The following GPR89A variants were observed in gnomAD, a reference collection of about 807,000 sequenced individuals.
GPR89A encodes the protein G protein-coupled receptor 89A.
In GPR89A, 16 loss-of-function variants were observed where a neutral mutation model predicts 52.0. The ratio of observed to expected loss-of-function variants is 0.31; its 90% confidence interval spans 0.21 to 0.47. The LOEUF is 0.47. Among genes scored for constraint, GPR89A ranks in the 20% least tolerant of loss-of-function variants. The pLI is 1.00. For missense variants in GPR89A, 135 were observed against 449.4 expected, an observed-to-expected ratio of 0.30 and a Z score of 6.33; for synonymous variants, 55 against 150.9, an observed-to-expected ratio of 0.36 and a Z score of 4.66.
At chr1:145,641,887 C>T (rs1571509716) in intron 7 of GPR89A, among the ~76,000 whole-genome samples, 1 of 151,976 alleles carries the variant, frequency 6.6e-6, no homozygotes, top group Admixed American at 6.6e-5. Context: ...ATTCACGCTT[C>T]GGAAGGTTTA....
At chr1:145,659,176 TTTTA>T (rs1211163172) in intron 10 of GPR89A, among the ~76,000 whole-genome samples, 6 of 151,916 alleles carry the variant, frequency 3.9e-5, no homozygotes, top group African/African-American at 1.2e-4. Flanking sequence ...TGTTTAACCT[TTTTA>T]TTTATTTATT....
chr1:145,662,172 T>A (rs587702430), intron 10 of GPR89A, among the ~76,000 whole-genome samples: 35 of 152,274 alleles, frequency 2.3e-4, no homozygotes, highest in African/African-American at 7.9e-4. Context: ...TTCTGACTAA[T>A]TTTATCAGTT....
At chr1:145,653,990 T>A (rs1651639346) in intron 10 of GPR89A, among the ~76,000 whole-genome samples, 2 of 152,248 alleles carry the variant, frequency 1.3e-5, no homozygotes, top group African/African-American at 4.8e-5. Context: ...TTATGTGTGA[T>A]TTGATCCTGT....
chr1:145,612,252 G>C (rs1648341133), intron 1 of GPR89A: 3 of 152,172 alleles, frequency 2.0e-5, no homozygotes, highest in South Asian at 2.1e-4. Context: ...CAAAAGGTAT[G>C]ATCTCCTACT....
intron 2 of GPR89A, 63 bp from the exon 3 acceptor site, chr1:145,618,254 AAGG>A (rs1383314125): frequency 1.2e-6 from 2 of 1,612,520 alleles, no homozygotes; most frequent in African/African-American, 2.7e-5. Flanking sequence ...TTGTAACCAG[AAGG>A]AGGTTATCAG....
At chr1:145,655,123 A>G (rs1345879527) in intron 10 of GPR89A, among the ~76,000 whole-genome samples, 6 of 148,580 alleles carry the variant, frequency 4.0e-5, no homozygotes, top group African/African-American at 1.5e-4. Context: ...TGAATTTCAC[A>G]TTGTGTTTTT....
intron 12 of GPR89A, among the ~76,000 whole-genome samples, chr1:145,665,883 A>G (rs1172649026): frequency 6.6e-6 from 1 of 151,040 alleles, no homozygotes; most frequent in Non-Finnish European, 1.5e-5. Flanking sequence ...AGTCCCAACT[A>G]CTTGGGAGGC....
chr1:145,617,613 A>G (rs1284040714), intron 2 of GPR89A, among the ~76,000 whole-genome samples: 1 of 152,158 alleles, frequency 6.6e-6, no homozygotes, highest in Non-Finnish European at 1.5e-5. Context: ...AAATTATAAA[A>G]GTATTAATTT....
intron 1 of GPR89A, among the ~76,000 whole-genome samples, chr1:145,616,021 G>A (rs587685198): frequency 4.2e-4 from 63 of 151,158 alleles, no homozygotes; most frequent in African/African-American, 1.5e-3. Flanking sequence ...AGCATACTCT[G>A]TAACATGGAT....
At chr1:145,619,459 A>T (rs587637341) in intron 3 of GPR89A, among the ~76,000 whole-genome samples, 7 of 152,078 alleles carry the variant, frequency 4.6e-5, no homozygotes, top group Non-Finnish European at 1.0e-4. Flanking sequence ...AAAAATAAAA[A>T]AAATTAGCAG....
chr1:145,635,169 G>A (rs1225252886), intron 7 of GPR89A, among the ~76,000 whole-genome samples: 1 of 152,206 alleles, frequency 6.6e-6, no homozygotes, highest in Non-Finnish European at 1.5e-5. Context: ...CACTTTGGGA[G>A]GCCGAGTCGG....
At chr1:145,665,473 A>T (rs1403169474) in intron 11 of GPR89A, 89 bp from the exon 12 acceptor site, 3 of 1,570,180 alleles carry the variant, frequency 1.9e-6, no homozygotes, top group Non-Finnish European at 1.8e-6. Context: ...GCTCCCTCTC[A>T]CAGTCATGTA....
rs375335937 is a variant in GPR89A at position 145,608,187 on chromosome 1, C to G, written c.42+12C>G. 1 of 1,613,830 alleles carries G rather than the reference C, an allele frequency of 6.2e-7. No homozygotes were observed. Among genetic ancestry groups the G allele is most frequent in the East Asian group, 2.2e-5 (1 of 44,874 alleles). On this transcript the variant is annotated intron_variant, in intron 1 of 13. Transcript: ENST00000313835. ...TGATTACCTCCCAGGTGAGTCACCG[C>G]CTCCCGCCCCGACACCCGTCCGCCT... is the stretch of plus-strand genomic sequence containing the variant.
At chr1:145,660,760 C>T (rs1329878979) in intron 10 of GPR89A, among the ~76,000 whole-genome samples, 3 of 151,726 alleles carry the variant, frequency 2.0e-5, no homozygotes, top group East Asian at 3.8e-4. Context: ...AATGACATAC[C>T]ATCTCACACC....
chr1:145,642,587 T>A (rs1650726215), intron 7 of GPR89A, among the ~76,000 whole-genome samples: 1 of 152,188 alleles, frequency 6.6e-6, no homozygotes, highest in South Asian at 2.1e-4. Context: ...GCTCAAAAAA[T>A]TTCACCCATA....
At chr1:145,616,049 G>T (rs1648666302) in intron 1 of GPR89A, among the ~76,000 whole-genome samples, 185 bp from the exon 2 acceptor site, 1 of 150,706 alleles carries the variant, frequency 6.6e-6, no homozygotes, top group Admixed American at 6.6e-5. Context: ...AAACTCCAAG[G>T]GCATTTAAAA....
At chr1:145,650,578 T>C (rs1160902897) in intron 10 of GPR89A, among the ~76,000 whole-genome samples, 2 of 151,096 alleles carry the variant, frequency 1.3e-5, no homozygotes, top group Non-Finnish European at 2.9e-5. Context: ...TCCACAATGA[T>C]TGAGTTAATG....
chr1:145,626,683 C>T (rs1553689073), intron 5 of GPR89A, among the ~76,000 whole-genome samples: 1 of 150,800 alleles, frequency 6.6e-6, no homozygotes, highest in African/African-American at 2.4e-5. Flanking sequence ...GGCAGGTTGG[C>T]TCACCCCTAT....
intron 7 of GPR89A, among the ~76,000 whole-genome samples, chr1:145,640,167 G>T (rs1260981726): frequency 1.4e-5 from 2 of 144,056 alleles, no homozygotes; most frequent in East Asian, 4.2e-4. Context: ...GCAGTGAGCC[G>T]AGATCCGCCA....
Sources: gnomAD v4.1 joint callset for allele counts (sites outside exome capture counted in the v4.1 genomes callset) on GRCh38, gnomAD v4.1.1 for gene constraint, MANE v1.5 for transcripts, NCBI Gene and HGNC (gene_info 2026-07-23, HGNC 2026-07-21) for gene names.